BAZ2B: variants seen among roughly 807,000 people sequenced by gnomAD.
The protein encoded by BAZ2B is bromodomain adjacent to zinc finger domain 2B, also known as bromodomain adjacent to zinc finger domain protein 2B.
BAZ2B carries 91 observed loss-of-function variants against 246.0 expected under a neutral mutation model. The ratio of observed to expected loss-of-function variants is 0.37; its 90% CI spans 0.31 to 0.44. The LOEUF (loss-of-function observed/expected upper bound fraction) is 0.44, where lower values mean the gene tolerates loss of function less well. Ranked by LOEUF, BAZ2B falls within the 20% of genes least tolerant of loss-of-function variation. The pLI is 1.00. For synonymous variants in BAZ2B, 855 were observed against 860.0 expected (o/e 0.99, Z 0.10); for missense variants, 2,332 against 2,533.7 (o/e 0.92, Z 1.71).
chr2:159,435,203 T>C lies in BAZ2B; in HGVS notation c.1294-1840A>G, dbSNP rs1577002614. Reference sequence around the variant, plus strand: ...TAAAATACTTATAAATATTTTATTATTATTATTTTTTTGGACTCTGTCACC... The same window carrying C: ...TAAAATACTTATAAATATTTTATTACTATTATTTTTTTGGACTCTGTCACC... On this transcript the variant is annotated intron_variant, in intron 8 of 36. Transcript: ENST00000392783. The C allele has an allele frequency of 2.0e-5, 3 of 151,884 alleles. 1 individual carries two copies. The Middle Eastern group carries it at 0.01, about 517-fold the overall frequency. The allele number at this position is 151,884 out of a possible 1,614,324, so 9.4% of individuals were successfully genotyped here. A position where few individuals can be genotyped will look rare whatever the true frequency, so the allele number is the denominator to read the frequency against.
chr2:159,498,399 G>C (rs910558137), intron 2 of BAZ2B, among the ~76,000 whole-genome samples: 1 of 152,146 alleles, frequency 6.6e-6, no homozygotes, highest in Non-Finnish European at 1.5e-5. Context: ...AGGTGTTCAA[G>C]AGTATATTAG....
chr2:159,501,458 T>A (rs553380166), intron 2 of BAZ2B, among the ~76,000 whole-genome samples: 161 of 150,454 alleles, frequency 1.1e-3, no homozygotes, highest in African/African-American at 3.8e-3. Context: ...AAACATTCAA[T>A]GGTTAAACAC....
At chr2:159,325,592 G>A (rs1356851341) in intron 35 of BAZ2B, 61 bp downstream of exon 35, 3 of 1,501,400 alleles carry the variant, frequency 2.0e-6, no homozygotes, top group Non-Finnish European at 8.9e-7. Context: ...ATGGTAAAAG[G>A]TTTCTAAACA....
At chr2:159,427,025 T>C (rs2070051966) in intron 13 of BAZ2B, among the ~76,000 whole-genome samples, 1 of 152,172 alleles carries the variant, frequency 6.6e-6, no homozygotes, top group African/African-American at 2.4e-5. Flanking sequence ...TTTATGCATA[T>C]GATCTCATTT....
intron 6 of BAZ2B, among the ~76,000 whole-genome samples, chr2:159,440,667 C>T (rs1477222267): frequency 1.3e-5 from 2 of 152,022 alleles, no homozygotes; most frequent in African/African-American, 4.8e-5. Context: ...AGGCGCCTGC[C>T]ACCACGCTAA....
chr2:159,450,825 C>T (rs931450221), intron 4 of BAZ2B, among the ~76,000 whole-genome samples: 1 of 151,718 alleles, frequency 6.6e-6, no homozygotes, highest in African/African-American at 2.4e-5. Context: ...CTGCAACCTC[C>T]ATCTCCCGGA....
intron 14 of BAZ2B, among the ~76,000 whole-genome samples, chr2:159,406,664 G>T (rs2065983506): frequency 6.6e-6 from 1 of 152,100 alleles, no homozygotes; most frequent in African/African-American, 2.4e-5. Context: ...CATTGACAAG[G>T]AACATAATTG....
At chr2:159,462,797 G>T in intron 3 of BAZ2B, 1 of 1,426,150 alleles carries the variant, frequency 7.0e-7, no homozygotes, top group Non-Finnish European at 9.9e-7. Context: ...TGCAATAATA[G>T]TCTGTTGCCC....
At chr2:159,676,647 GCACACACACA>G in the BAZ2B span, among the ~76,000 whole-genome samples, 4 of 132,636 alleles carry the variant, frequency 3.0e-5, no homozygotes, top group Admixed American at 8.0e-5. Context: ...GTATCTAAAT[GCACACACACA>G]CACACACACA....
chr2:159,677,869 A>G, the BAZ2B span, among the ~76,000 whole-genome samples: 1 of 152,168 alleles, frequency 6.6e-6, no homozygotes, highest in Non-Finnish European at 1.5e-5. Context: ...ACTTCAGAGC[A>G]CCAGAAACAA....
chr2:159,608,156 T>C (rs1337230098), intron 1 of BAZ2B, among the ~76,000 whole-genome samples: 1 of 152,146 alleles, frequency 6.6e-6, no homozygotes, highest in Non-Finnish European at 1.5e-5. Flanking sequence ...GCGCAGATTG[T>C]TTGAGTCCAG....
In BAZ2B at chr2:159,432,862, G is replaced by A; in HGVS notation, c.1795C>T (p.Pro599Ser). 6.2e-7 allele frequency: 1 copy of A among 1,614,040 alleles called. No homozygotes were observed. The highest frequency in any genetic ancestry group is 8.5e-7 in the Non-Finnish European group (1 of 1,180,004). Residue 599 changes from proline to serine, a missense_variant, in exon 9 of 37, where the codon CCC (proline) becomes TCC (serine). Physicochemically the swap from Pro to Ser is moderately conservative, Grantham distance 74. This residue lies in a region of BAZ2B where 651 missense variants were observed against 650.9 expected (regional missense o/e 1.00). Coordinates refer to ENST00000392783, the MANE Select transcript of BAZ2B (RefSeq NM_013450.4). ...GAATCTTCAGAATCTTTACTACTGGGAATGTCTGAATCTGTTCCTCTGAAT... is the reference window on the plus strand; with the variant it reads ...GAATCTTCAGAATCTTTACTACTGGAAATGTCTGAATCTGTTCCTCTGAAT... Reference protein sequence around the residue: ...EQFRGTDSDIPSSKDSEDSNE... With the variant: ...EQFRGTDSDISSSKDSEDSNE...
the BAZ2B span, among the ~76,000 whole-genome samples, chr2:159,661,841 G>A: frequency 1.3e-5 from 2 of 151,658 alleles, no homozygotes; most frequent in South Asian, 2.1e-4. Flanking sequence ...GAACTCTTGC[G>A]CTCAAGCGAT....
intron 2 of BAZ2B, among the ~76,000 whole-genome samples, chr2:159,534,275 T>G (rs1324647499): frequency 6.6e-6 from 1 of 152,230 alleles, no homozygotes; most frequent in Non-Finnish European, 1.5e-5. Context: ...TTTTGTTGTA[T>G]GAACATCACA....
intron 31 of BAZ2B, among the ~76,000 whole-genome samples, chr2:159,340,562 T>C (rs577230877): frequency 2.0e-4 from 30 of 152,088 alleles, no homozygotes; most frequent in African/African-American, 7.2e-4. Context: ...GAAATCTCCA[T>C]TAGACTAACA....
intron 14 of BAZ2B, among the ~76,000 whole-genome samples, chr2:159,406,874 C>A (rs961956865): frequency 6.6e-6 from 1 of 151,986 alleles, no homozygotes; most frequent in Non-Finnish European, 1.5e-5. Flanking sequence ...CCTGCCTCAG[C>A]CTCCCGAGCA....
At chr2:159,624,931 T>C in the BAZ2B span, among the ~76,000 whole-genome samples, 1 of 151,968 alleles carries the variant, frequency 6.6e-6, no homozygotes, top group Non-Finnish European at 1.5e-5. Flanking sequence ...GCTAAGAATC[T>C]TGAAAAAAGG....
intron 2 of BAZ2B, among the ~76,000 whole-genome samples, chr2:159,553,392 C>CAAAA (rs35253250): frequency 1.8e-3 from 136 of 73,740 alleles, no homozygotes; most frequent in Middle Eastern, 0.01. Context: ...GACTCTGTCT[C>CAAAA]AAAAAAAAAA....
chr2:159,683,163 T>C, the BAZ2B span, among the ~76,000 whole-genome samples: 2 of 152,072 alleles, frequency 1.3e-5, no homozygotes, highest in Non-Finnish European at 2.9e-5. Context: ...TAATGTCTAA[T>C]TTTTTTTCTT....
Sources: gnomAD v4.1 joint callset for allele counts (sites outside exome capture counted in the v4.1 genomes callset) on GRCh38, gnomAD v4.1.1 for gene constraint, gnomAD v4.1.1 regional missense constraint, MANE v1.5 for transcripts, NCBI Gene and HGNC (gene_info 2026-07-23, HGNC 2026-07-21) for gene names.